The following NKAIN2 variants were observed in gnomAD, a reference collection of about 807,000 sequenced individuals.
NKAIN2 encodes the protein sodium/potassium-transporting ATPase subunit beta-1-interacting protein 2.
A neutral mutation model predicts 32.6 loss-of-function variants in NKAIN2; 14 were observed. The observed-to-expected ratio is 0.43, with a 90% CI of 0.28 to 0.67. The LOEUF is 0.67. NKAIN2 is among the 30% of genes least tolerant of loss of function. NKAIN2 has a pLI of 0.17. For synonymous variants in NKAIN2, 80 were observed against 87.2 expected (o/e 0.92, Z 0.46); for missense variants, 198 against 258.3 (o/e 0.77, Z 1.60).
At chr6:123,811,339 A>G (rs1773455005) in intron 1 of NKAIN2, among the ~76,000 whole-genome samples, 1 of 144,136 alleles carries the variant, frequency 6.9e-6, no homozygotes, top group African/African-American at 2.7e-5. Context: ...TGGTAATGCT[A>G]GAACAGAATT....
intron 1 of NKAIN2, among the ~76,000 whole-genome samples, chr6:124,085,695 C>T (rs555130690): frequency 1.3e-5 from 2 of 151,970 alleles, no homozygotes; most frequent in South Asian, 4.1e-4. Context: ...TTAGATGCTT[C>T]TGATACATAA....
chr6:124,352,701 T>A (rs1195684170), intron 2 of NKAIN2, among the ~76,000 whole-genome samples: 3 of 152,198 alleles, frequency 2.0e-5, no homozygotes, highest in Non-Finnish European at 4.4e-5. Context: ...ACAAAGGAAG[T>A]GATAAAACAT....
chr6:124,088,144 A>G (rs1013989348), intron 1 of NKAIN2, among the ~76,000 whole-genome samples: 2 of 151,906 alleles, frequency 1.3e-5, no homozygotes, highest in African/African-American at 4.8e-5. Context: ...TGTTTGCAGT[A>G]GACAGTCTTC....
chr6:124,259,952 A>G (rs1794155132), intron 1 of NKAIN2, among the ~76,000 whole-genome samples: 1 of 152,200 alleles, frequency 6.6e-6, no homozygotes, highest in Admixed American at 6.5e-5. Flanking sequence ...TAAACCAAAT[A>G]ATGATTAATA....
chr6:123,951,809 A>T (rs1430740975), intron 1 of NKAIN2, among the ~76,000 whole-genome samples: 1 of 151,894 alleles, frequency 6.6e-6, no homozygotes, highest in Non-Finnish European at 1.5e-5. Flanking sequence ...TGTTTTTAAT[A>T]TGTAAGGTTT....
intron 1 of NKAIN2, among the ~76,000 whole-genome samples, chr6:124,032,203 T>C (rs1316326612): frequency 2.2e-5 from 3 of 138,630 alleles, no homozygotes; most frequent in South Asian, 2.3e-4. Context: ...TAGGTGGGAA[T>C]TGAACAATGA....
intron 1 of NKAIN2, among the ~76,000 whole-genome samples, chr6:123,928,060 T>C (rs1582793773): frequency 6.6e-6 from 1 of 152,124 alleles, no homozygotes; most frequent in African/African-American, 2.4e-5. Context: ...TGGCATACTA[T>C]GCAGCCACAA....
chr6:124,049,091 A>G (rs114274545), intron 1 of NKAIN2, among the ~76,000 whole-genome samples: 3,161 of 152,136 alleles, frequency 0.021, 117 homozygotes, highest in African/African-American at 0.072. Flanking sequence ...CTATGTTGTC[A>G]TATCCTTGGC....
intron 1 of NKAIN2, among the ~76,000 whole-genome samples, chr6:124,222,032 T>C (rs1479304420): frequency 1.3e-5 from 2 of 152,186 alleles, no homozygotes; most frequent in Non-Finnish European, 2.9e-5. Context: ...TCTTGCCTTC[T>C]AGATTACCAT....
chr6:124,589,108 A>T (rs558241473), intron 3 of NKAIN2, among the ~76,000 whole-genome samples: 2 of 152,336 alleles, frequency 1.3e-5, no homozygotes, highest in African/African-American at 4.8e-5. Context: ...ATAGTTACAT[A>T]TAGTACGCTA....
At chr6:124,424,660 G>A (rs915609588) in intron 3 of NKAIN2, among the ~76,000 whole-genome samples, 12 of 152,042 alleles carry the variant, frequency 7.9e-5, no homozygotes, top group African/African-American at 2.9e-4. Flanking sequence ...ATTTAAGTGA[G>A]ATCATGCAAT....
intron 3 of NKAIN2, among the ~76,000 whole-genome samples, chr6:124,518,176 A>G (rs1778985948): frequency 6.6e-6 from 1 of 152,020 alleles, no homozygotes; most frequent in African/African-American, 2.4e-5. Context: ...CTGTAAAAGC[A>G]TGCGAAAATT....
intron 4 of NKAIN2, among the ~76,000 whole-genome samples, chr6:124,789,035 A>G (rs900000239): frequency 7.9e-5 from 12 of 152,090 alleles, no homozygotes; most frequent in African/African-American, 2.9e-4. Context: ...TTACTTTTAT[A>G]TCAAAGGAGC....
intron 1 of NKAIN2, among the ~76,000 whole-genome samples, chr6:124,118,852 C>T (rs1785743250): frequency 6.6e-6 from 1 of 152,100 alleles, no homozygotes; most frequent in Admixed American, 6.5e-5. Context: ...CTCTACCTCT[C>T]AATTCTGCCT....
At chr6:124,760,368 C>A (rs1156441893) in intron 4 of NKAIN2, among the ~76,000 whole-genome samples, 6 of 105,970 alleles carry the variant, frequency 5.7e-5, no homozygotes, top group Non-Finnish European at 1.0e-4. Context: ...CCCACCTACA[C>A]AAGCTTACCT....
chr6:124,095,128 C>G (rs1021865860), intron 1 of NKAIN2, among the ~76,000 whole-genome samples: 1 of 152,010 alleles, frequency 6.6e-6, no homozygotes, highest in African/African-American at 2.4e-5. Flanking sequence ...AACTGCTGAC[C>G]TATATGATGT....
chr6:124,761,285 G>A (rs1478278209), intron 4 of NKAIN2, among the ~76,000 whole-genome samples: 2 of 152,164 alleles, frequency 1.3e-5, no homozygotes, highest in Admixed American at 6.5e-5. Flanking sequence ...ACATGATGGT[G>A]CGGGGAGGCT....
chr6:124,150,465 A>G (rs1787655194), intron 1 of NKAIN2, among the ~76,000 whole-genome samples: 1 of 152,128 alleles, frequency 6.6e-6, no homozygotes, highest in Non-Finnish European at 1.5e-5. Flanking sequence ...ACATTTCTAT[A>G]GTTTGCCTTA....
intron 3 of NKAIN2, among the ~76,000 whole-genome samples, chr6:124,597,387 T>TA (rs1486714655): frequency 6.6e-6 from 1 of 151,276 alleles, no homozygotes; most frequent in African/African-American, 2.4e-5. Flanking sequence ...TATACTAATA[T>TA]AAAGTATTAA....
Sources: allele counts gnomAD v4.1 joint callset (sites outside exome capture counted in the v4.1 genomes callset), GRCh38; gene constraint gnomAD v4.1.1; transcripts MANE v1.5; gene names NCBI Gene and HGNC (gene_info 2026-07-23, HGNC 2026-07-21).